The following PROSER1 variants were observed in gnomAD, a reference collection of about 807,000 sequenced individuals.
PROSER1 encodes the protein proline and serine rich 1.
A neutral mutation model predicts 71.8 loss-of-function variants in PROSER1; 36 were observed. The ratio of observed to expected loss-of-function variants is 0.50; its 90% CI spans 0.38 to 0.66. The LOEUF is 0.66. Among genes scored for constraint, PROSER1 ranks in the 30% least tolerant of loss-of-function variants. The probability of loss-of-function intolerance (pLI) is 0.00; values close to 1 mark genes in which losing one functional copy is unlikely to be tolerated. For missense variants in PROSER1, 1,107 were observed against 1,135.0 expected (o/e 0.98, Z 0.35); for synonymous variants, 490 against 452.4 (o/e 1.08, Z -1.06).
chr13:39,029,273 AT>A lies in PROSER1; in HGVS notation c.275+7del. On this transcript the variant is annotated splice_region_variant and intron_variant, in intron 4 of 12. Transcript: ENST00000352251. The stretch of plus-strand genomic sequence containing the variant: ...AAAAAAAAAAAAAAAAAAAAAAGAA[AT>A]ACTTACGAGGCTAACAGTTCAAGAG... 2 of 1,418,354 alleles carry A rather than the reference AT, an allele frequency of 1.4e-6. No homozygotes were observed. Among genetic ancestry groups the A allele is most frequent in the East Asian group, 2.5e-5 (1 of 40,514 alleles). The allele number at this position is 1,418,354 out of a possible 1,614,324, so 87.9% of individuals were successfully genotyped here. A position where few individuals can be genotyped will look rare whatever the true frequency, so the allele number is the denominator to read the frequency against.
intron 11 of PROSER1, chr13:39,012,486 A>C (rs953775931): frequency 2.7e-5 from 17 of 640,962 alleles, no homozygotes; most frequent in Non-Finnish European, 4.0e-5. Flanking sequence ...AAACTATCAA[A>C]TACAAATCCA....
At chr13:39,036,325 G>A (rs1329958223) in intron 1 of PROSER1, among the ~76,000 whole-genome samples, 9 of 152,172 alleles carry the variant, frequency 5.9e-5, no homozygotes, top group Non-Finnish European at 1.3e-4. Context: ...AGCAAGACCA[G>A]AGACAATTTT....
At chr13:39,031,384 T>C (rs1357567083) in intron 3 of PROSER1, among the ~76,000 whole-genome samples, 179 bp downstream of exon 3, 3 of 152,268 alleles carry the variant, frequency 2.0e-5, no homozygotes, top group African/African-American at 7.2e-5. Flanking sequence ...GCATACAATT[T>C]AAATGTACAG....
At position 39,026,328 on chromosome 13, in the gene PROSER1, T is replaced by C. The variant is rs1870544628; in HGVS notation, c.429A>G (p.Pro143=). 2.5e-6 allele frequency: 4 copies of C among 1,612,752 alleles called. No individual in the cohort carries two copies. The highest frequency in any genetic ancestry group is 2.5e-6 in the Non-Finnish European group (3 of 1,179,618). Residue 143 remains proline, a synonymous_variant, in exon 6 of 13, where the codon CCA becomes CCG. Coordinates refer to ENST00000352251, the MANE Select transcript of PROSER1 (RefSeq NM_025138.5). ...GTCTTCCTTTGGGATATGGATTTCC[T>C]GGGATTGTTCCACAAGAAGATATCA... ...HAMISSCGTI[P]GNPYPKGRPS...
intron 6 of PROSER1, 21 bp from the exon 7 acceptor site, chr13:39,024,577 AGGT>A: frequency 3.5e-6 from 5 of 1,413,666 alleles, no homozygotes; most frequent in Non-Finnish European, 4.8e-6. Context: ...AAAAAAAAAA[AGGT>A]AATTGAAACT....
At chr13:39,025,357 C>T (rs193066996) in intron 6 of PROSER1, among the ~76,000 whole-genome samples, 3 of 152,244 alleles carry the variant, frequency 2.0e-5, no homozygotes, top group East Asian at 3.9e-4. Context: ...CCCAAGATGT[C>T]CCCCACTGAT....
intron 9 of PROSER1, among the ~76,000 whole-genome samples, chr13:39,018,601 A>G (rs1870131183): frequency 6.6e-6 from 1 of 152,194 alleles, no homozygotes; most frequent in Non-Finnish European, 1.5e-5. Context: ...AAGATTAGAA[A>G]TAAAATGACT....
At position 39,012,088 on chromosome 13, in the gene PROSER1, G is replaced by C. The variant is rs764421721; in HGVS notation, c.2707C>G (p.Gln903Glu). The change falls in exon 12 of 13, where the codon CAG (glutamine) becomes GAG (glutamate). Residue 903 changes from glutamine to glutamate, a missense_variant. Coordinates refer to ENST00000352251, the MANE Select transcript of PROSER1 (RefSeq NM_025138.5). ...TGCCAGCCATTGCTGCTTACCTGCT[G>C]TAACAATGCTGACTGCGCAGCCGCA... Reference protein sequence around the residue: ...HNAAAQSALLQQVHSASALES... With the variant: ...HNAAAQSALLEQVHSASALES... The C allele has an allele frequency of 2.5e-6, 4 of 1,613,200 alleles. No homozygotes were observed. Among genetic ancestry groups the C allele is most frequent in the African/African-American group, 2.7e-5 (2 of 74,892 alleles).
intron 2 of PROSER1, 145 bp from the exon 3 acceptor site, chr13:39,031,776 G>A: frequency 3.1e-6 from 2 of 642,812 alleles, no homozygotes; most frequent in Non-Finnish European, 2.8e-6. Context: ...TGTGCTAACA[G>A]AATAGCTATT....
At chr13:39,035,415 G>A (rs1333776656) in intron 1 of PROSER1, among the ~76,000 whole-genome samples, 2 of 152,168 alleles carry the variant, frequency 1.3e-5, no homozygotes, top group Non-Finnish European at 2.9e-5. Context: ...ACCACCTAGG[G>A]AGTCTTGAGC....
At chr13:39,012,589 C>T in intron 11 of PROSER1, 102 bp downstream of exon 11, 1 of 1,006,444 alleles carries the variant, frequency 9.9e-7, no homozygotes, top group Non-Finnish European at 1.4e-6. Context: ...CCCAGAAAAA[C>T]ATCATTTAGA....
In PROSER1 at chr13:39,031,608, A is replaced by T; in HGVS notation, c.135T>A (p.Phe45Leu). 6.2e-7 allele frequency: 1 copy of T among 1,613,430 alleles called. No individual in the cohort carries two copies. The highest frequency in any genetic ancestry group is 8.5e-7 in the Non-Finnish European group (1 of 1,179,752). ...CCTTCAACTGGGGCTCGGCCCAGGA[A>T]AAATATCTCAGCAAATCAACCACCT... ...SEQVVDLLRY[F>L]SWAEPQLKAM... The change falls in exon 3 of 13, where the codon TTT becomes TTA. Residue 45 changes from phenylalanine to leucine, a missense_variant. By Grantham distance (22) the Phe-to-Leu change is conservative. Coordinates refer to ENST00000352251, the MANE Select transcript of PROSER1 (RefSeq NM_025138.5).
intron 10 of PROSER1, among the ~76,000 whole-genome samples, chr13:39,016,310 A>C (rs1365103797): frequency 1.3e-5 from 2 of 152,198 alleles, no homozygotes; most frequent in African/African-American, 4.8e-5. Context: ...CTGAGATAGA[A>C]ACTAACACCC....
chr13:39,016,829 T>G (rs1870027952), intron 10 of PROSER1, among the ~76,000 whole-genome samples: 3 of 152,196 alleles, frequency 2.0e-5, no homozygotes, highest in Admixed American at 2.0e-4. Flanking sequence ...GGGAATGGAA[T>G]TCTCCCACTG....
In PROSER1 at chr13:39,013,784, A is replaced by G. The variant is rs139672288; in HGVS notation, c.1468T>C (p.Ser490Pro). 36 of 1,614,076 alleles carry G rather than the reference A, an allele frequency of 2.2e-5. No individual in the cohort carries two copies. The highest frequency in any genetic ancestry group is 2.9e-5 in the Non-Finnish European group (34 of 1,180,048). Residue 490 changes from serine (S) to proline (P), a missense_variant, in exon 11 of 13, where the codon TCC (serine) becomes CCC (proline). Coordinates refer to ENST00000352251, the MANE Select transcript of PROSER1 (RefSeq NM_025138.5). ...GCCAGCCCACTTGTGACAGCAGAGGATAAAGCAGAGGAGTTGATTAAATTG... is the reference window on the plus strand; with the variant it reads ...GCCAGCCCACTTGTGACAGCAGAGGGTAAAGCAGAGGAGTTGATTAAATTG... ...DTNLINSSAL[S>P]SAVTSGLASL... is the part of the protein sequence containing the mutation.
At chr13:39,035,525 G>A (rs1871058620) in intron 1 of PROSER1, among the ~76,000 whole-genome samples, 1 of 152,170 alleles carries the variant, frequency 6.6e-6, no homozygotes, top group Non-Finnish European at 1.5e-5. Flanking sequence ...AATAATGACT[G>A]GAGAAAGTGC....
At chr13:39,029,570 G>C (rs1210621593) in intron 3 of PROSER1, among the ~76,000 whole-genome samples, 195 bp from the exon 4 acceptor site, 1 of 152,018 alleles carries the variant, frequency 6.6e-6, no homozygotes, top group African/African-American at 2.4e-5. Context: ...AACCATTTCA[G>C]TTGAAGATCT....
chr13:39,013,536 T>A lies in PROSER1; in HGVS notation c.1716A>T (p.Pro572=), dbSNP rs370564323. Residue 572 remains proline (P), a synonymous_variant, in exon 11 of 13, where the codon CCA becomes CCT. Coordinates refer to ENST00000352251, the MANE Select transcript of PROSER1 (RefSeq NM_025138.5). The stretch of plus-strand genomic sequence containing the variant: ...GGGAGGCTGAGGAGCCACAGCTAAC[T>A]GGCACTGACGTGGAAGCTGATGCAG... ...ATAASASTSV[P]VSCGSSASLL... The A allele has an allele frequency of 1.9e-6, 3 of 1,613,944 alleles. No homozygotes were observed. The African/African-American group carries it at 4.0e-5, about 22-fold the overall frequency.
At chr13:39,017,639 A>G in intron 9 of PROSER1, 95 bp from the exon 10 acceptor site, 1 of 684,048 alleles carries the variant, frequency 1.5e-6, no homozygotes, top group Non-Finnish European at 2.4e-6. Flanking sequence ...AACACAGGAT[A>G]TAAATATTTA....
Sources: gnomAD v4.1 joint callset for allele counts (sites outside exome capture counted in the v4.1 genomes callset) on GRCh38, gnomAD v4.1.1 for gene constraint, MANE v1.5 for transcripts, NCBI Gene and HGNC (gene_info 2026-07-23, HGNC 2026-07-21) for gene names.